IL1RAPL1: variants seen among roughly 807,000 people sequenced by gnomAD.
IL1RAPL1 encodes the protein interleukin 1 receptor accessory protein like 1.
Under a neutral mutation model 48.4 loss-of-function variants are expected in IL1RAPL1, and 3 were observed. The ratio of observed to expected loss-of-function variants is 0.06; its 90% CI spans 0.03 to 0.16. IL1RAPL1 has a LOEUF of 0.16. IL1RAPL1 is among the 10% of genes least tolerant of loss of function. The pLI, the probability that IL1RAPL1 is intolerant of heterozygous loss-of-function variation, is 1.00. For missense variants in IL1RAPL1, 349 were observed against 530.6 expected (o/e 0.66, Z 3.36); for synonymous variants, 185 against 187.7 (o/e 0.99, Z 0.12).
intron 6 of IL1RAPL1, among the ~76,000 whole-genome samples, chrX:29,849,394 G>A (rs927479295): frequency 2.7e-5 from 3 of 111,442 alleles, no homozygotes; most frequent in Non-Finnish European, 5.6e-5. Flanking sequence ...GATACCTGGT[G>A]ACCAAGATAA....
chrX:29,185,718 A>G, intron 2 of IL1RAPL1, among the ~76,000 whole-genome samples: 1 of 111,983 alleles, frequency 8.9e-6, no homozygotes. Flanking sequence ...CAGAGATATG[A>G]TAAATCTACA....
chrX:29,512,105 T>A (rs773929710), intron 5 of IL1RAPL1, among the ~76,000 whole-genome samples: 1 of 103,746 alleles, frequency 9.6e-6, no homozygotes, highest in East Asian at 3.2e-4. Flanking sequence ...TATATATATA[T>A]AATCTCTCTT....
intron 3 of IL1RAPL1, among the ~76,000 whole-genome samples, chrX:29,339,942 C>T (rs1335074446): frequency 9.0e-6 from 1 of 111,581 alleles, no homozygotes; most frequent in Admixed American, 9.6e-5. Flanking sequence ...ATTTTTTCAT[C>T]AGATGTTTCT....
intron 2 of IL1RAPL1, among the ~76,000 whole-genome samples, chrX:29,242,946 A>G (rs897686230): frequency 4.5e-5 from 5 of 111,780 alleles, no homozygotes; most frequent in African/African-American, 1.6e-4. Flanking sequence ...AAATTAGAAA[A>G]CCCAATCCTA....
chrX:28,973,348 A>G (rs1473080810), intron 2 of IL1RAPL1, among the ~76,000 whole-genome samples: 1 of 112,377 alleles, frequency 8.9e-6, no homozygotes, highest in Non-Finnish European at 1.9e-5. Flanking sequence ...TAGTTTTTGT[A>G]AGTAACTTTT....
intron 5 of IL1RAPL1, among the ~76,000 whole-genome samples, chrX:29,542,199 A>G (rs1231486344): frequency 9.0e-6 from 1 of 111,321 alleles, no homozygotes; most frequent in Non-Finnish European, 1.9e-5. Flanking sequence ...AACTGAAATC[A>G]GGTGTTCTAC....
intron 6 of IL1RAPL1, among the ~76,000 whole-genome samples, chrX:29,724,959 G>T (rs549323406): frequency 2.7e-5 from 3 of 111,293 alleles, no homozygotes; most frequent in African/African-American, 9.8e-5. Flanking sequence ...AGAGGAGTGG[G>T]AATCCTCAAG....
At chrX:28,886,695 T>C (rs976178346) in intron 2 of IL1RAPL1, among the ~76,000 whole-genome samples, 3 of 111,146 alleles carry the variant, frequency 2.7e-5, no homozygotes, top group African/African-American at 9.8e-5. Context: ...ATAATTAGCA[T>C]GTTTAATTTC....
At chrX:29,576,899 CAA>C (rs35355239) in intron 5 of IL1RAPL1, among the ~76,000 whole-genome samples, 1 of 105,586 alleles carries the variant, frequency 9.5e-6, no homozygotes, top group Admixed American at 1.0e-4. Context: ...TTGTTGGTTA[CAA>C]AAAAAAAATC....
chrX:28,672,001 T>A (rs867160915), intron 1 of IL1RAPL1, among the ~76,000 whole-genome samples: 1 of 112,708 alleles, frequency 8.9e-6, no homozygotes, highest in Non-Finnish European at 1.9e-5. Flanking sequence ...TGAAAATAAT[T>A]TATATTCAGT....
At chrX:29,882,183 A>T (rs1410950242) in intron 6 of IL1RAPL1, among the ~76,000 whole-genome samples, 1 of 111,731 alleles carries the variant, frequency 9.0e-6, no homozygotes, top group Non-Finnish European at 1.9e-5. Context: ...TTGAGAAATA[A>T]AATGTTGCCA....
intron 6 of IL1RAPL1, among the ~76,000 whole-genome samples, chrX:29,803,728 C>A (rs1225734464): frequency 9.3e-6 from 1 of 108,084 alleles, no homozygotes; most frequent in Non-Finnish European, 1.9e-5. Context: ...AAAAGTCATA[C>A]AAGTGTATTC....
chrX:28,897,096 G>A (rs1392937322), intron 2 of IL1RAPL1, among the ~76,000 whole-genome samples: 1 of 110,084 alleles, frequency 9.1e-6, no homozygotes, highest in Non-Finnish European at 1.9e-5. Flanking sequence ...GAGGGTGGAA[G>A]GTTGCCCATA....
chrX:29,857,025 T>C (rs1439601507), intron 6 of IL1RAPL1, among the ~76,000 whole-genome samples: 2 of 111,440 alleles, frequency 1.8e-5, no homozygotes, highest in East Asian at 5.6e-4. Flanking sequence ...TGGCATAGTT[T>C]CATAGAAACA....
intron 7 of IL1RAPL1, 67 bp from the exon 8 acceptor site, chrX:29,919,882 A>G: frequency 9.6e-7 from 1 of 1,044,297 alleles, no homozygotes; most frequent in South Asian, 1.9e-5. Flanking sequence ...GGATTCATCT[A>G]CATTTCTTTC....
intron 1 of IL1RAPL1, among the ~76,000 whole-genome samples, chrX:28,602,446 C>G (rs779927278): frequency 8.9e-6 from 1 of 112,180 alleles, no homozygotes; most frequent in South Asian, 3.7e-4. Context: ...ACATCCCTGA[C>G]AGTAGGTAAG....
chrX:29,898,870 G>C (rs1343582340), intron 6 of IL1RAPL1, among the ~76,000 whole-genome samples: 1 of 111,783 alleles, frequency 8.9e-6, no homozygotes, highest in Non-Finnish European at 1.9e-5. Context: ...TCAGAAAATG[G>C]ACTTCAGAAA....
At chrX:29,193,025 A>C (rs1334903228) in intron 2 of IL1RAPL1, among the ~76,000 whole-genome samples, 1 of 111,126 alleles carries the variant, frequency 9.0e-6, no homozygotes, top group Non-Finnish European at 1.9e-5. Context: ...TTCTATATTT[A>C]CATTATAGGA....
At chrX:29,597,519 T>A (rs1263562300) in intron 5 of IL1RAPL1, among the ~76,000 whole-genome samples, 1 of 111,883 alleles carries the variant, frequency 8.9e-6, no homozygotes, top group Non-Finnish European at 1.9e-5. Flanking sequence ...TTTTGTTATG[T>A]CCTTCTCTGG....
Sources: allele counts gnomAD v4.1 joint callset (sites outside exome capture counted in the v4.1 genomes callset), GRCh38; gene constraint gnomAD v4.1.1; transcripts MANE v1.5; gene names NCBI Gene and HGNC (gene_info 2026-07-23, HGNC 2026-07-21).